FARS2: variants seen among roughly 807,000 people sequenced by gnomAD.
FARS2 encodes phenylalanine--tRNA ligase, mitochondrial.
FARS2 carries 40 observed loss-of-function variants against 46.4 expected under a neutral mutation model. That is an observed-to-expected ratio of 0.86 (90% CI 0.67 to 1.12). FARS2 has a LOEUF of 1.12. Among genes scored for constraint, FARS2 ranks in the 50% most tolerant of loss-of-function variants. FARS2 has a pLI of 0.00. For missense variants in FARS2, 513 were observed against 567.9 expected (o/e 0.90, Z 0.98); for synonymous variants, 234 against 214.9 (o/e 1.09, Z -0.78).
chr6:5,324,480 G>A (rs1377523862), intron 1 of FARS2, among the ~76,000 whole-genome samples: 2 of 124,426 alleles, frequency 1.6e-5, no homozygotes, highest in African/African-American at 3.1e-5. Flanking sequence ...CAAGACGTTG[G>A]TTACAATTCC....
chr6:5,489,188 T>C (rs1346817787), intron 4 of FARS2, among the ~76,000 whole-genome samples: 1 of 152,162 alleles, frequency 6.6e-6, no homozygotes, highest in East Asian at 1.9e-4. Flanking sequence ...GTGCGGTGGC[T>C]CACACCTATA....
At chr6:5,296,326 A>G (rs958552564) in intron 1 of FARS2, among the ~76,000 whole-genome samples, 91 of 151,748 alleles carry the variant, frequency 6.0e-4, no homozygotes, top group Non-Finnish European at 5.4e-4. Context: ...TATTTTTAGT[A>G]GAGATGGGGT....
intron 3 of FARS2, among the ~76,000 whole-genome samples, chr6:5,416,370 G>T (rs2432765): frequency 0.16 from 23,988 of 152,038 alleles, 2,556 homozygotes; most frequent in East Asian, 0.46. Flanking sequence ...AGTTGTTCCA[G>T]CATCGTTTGT....
At chr6:5,691,714 G>T (rs1582775903) in intron 6 of FARS2, among the ~76,000 whole-genome samples, 2 of 152,368 alleles carry the variant, frequency 1.3e-5, no homozygotes, top group East Asian at 3.9e-4. Context: ...TCTCTTCAAA[G>T]CTGTCAGACA....
intron 1 of FARS2, among the ~76,000 whole-genome samples, chr6:5,334,003 G>A (rs536512898): frequency 5.9e-5 from 9 of 152,238 alleles, no homozygotes; most frequent in African/African-American, 2.2e-4. Context: ...CTGTCCTCTT[G>A]TTAATCATAT....
intron 2 of FARS2, among the ~76,000 whole-genome samples, chr6:5,388,238 A>T (rs141199780): frequency 0.014 from 2,113 of 152,268 alleles, 28 homozygotes; most frequent in Middle Eastern, 0.02. Context: ...ATGTCTTCTT[A>T]TTTCAAAAAT....
chr6:5,497,022 A>G (rs1767513273), intron 4 of FARS2, among the ~76,000 whole-genome samples: 1 of 152,074 alleles, frequency 6.6e-6, no homozygotes, highest in Non-Finnish European at 1.5e-5. Context: ...TCAGCCCCAA[A>G]TGGGGTGAAG....
intron 6 of FARS2, among the ~76,000 whole-genome samples, chr6:5,687,132 C>A (rs1038319481): frequency 6.6e-6 from 1 of 152,114 alleles, no homozygotes; most frequent in Non-Finnish European, 1.5e-5. Flanking sequence ...CAAAAATTTT[C>A]TCCCATTTTG....
At chr6:5,680,262 A>G (rs911285752) in intron 6 of FARS2, among the ~76,000 whole-genome samples, 3 of 152,214 alleles carry the variant, frequency 2.0e-5, no homozygotes, top group African/African-American at 7.2e-5. Context: ...CAACACTGAG[A>G]CACATAACCA....
intron 6 of FARS2, among the ~76,000 whole-genome samples, chr6:5,749,494 C>T (rs1761826420): frequency 6.6e-6 from 1 of 152,194 alleles, no homozygotes; most frequent in Admixed American, 6.5e-5. Flanking sequence ...CCTCCTGCTG[C>T]CAGCTCCTCC....
At chr6:5,250,462 G>A in the FARS2 span, among the ~76,000 whole-genome samples, 8 of 151,926 alleles carry the variant, frequency 5.3e-5, no homozygotes, top group East Asian at 1.9e-4. Flanking sequence ...TAAGTTAACC[G>A]TACTATTTTT....
intron 4 of FARS2, among the ~76,000 whole-genome samples, chr6:5,464,339 C>T (rs979400299): frequency 2.0e-5 from 3 of 152,220 alleles, no homozygotes; most frequent in Non-Finnish European, 4.4e-5. Flanking sequence ...ATGGACAGTC[C>T]TGACCTGGAC....
At chr6:5,257,661 G>A (rs1196831841), upstream of FARS2, among the ~76,000 whole-genome samples, 2 of 152,240 alleles carry the variant, frequency 1.3e-5, no homozygotes, top group African/African-American at 4.8e-5. Flanking sequence ...ATTCTCATAG[G>A]TGCACCTATT....
At chr6:5,598,471 C>G (rs539032270) in intron 5 of FARS2, among the ~76,000 whole-genome samples, 1 of 152,316 alleles carries the variant, frequency 6.6e-6, no homozygotes, top group African/African-American at 2.4e-5. Flanking sequence ...CTCTCCATTT[C>G]TACCCTGTAA....
intron 4 of FARS2, among the ~76,000 whole-genome samples, chr6:5,474,647 A>C (rs1766005904): frequency 6.7e-6 from 1 of 148,546 alleles, no homozygotes; most frequent in South Asian, 2.1e-4. Flanking sequence ...AAAAGGTACA[A>C]TAAAAATACA....
At chr6:5,705,159 A>G (rs1758663313) in intron 6 of FARS2, among the ~76,000 whole-genome samples, 1 of 152,240 alleles carries the variant, frequency 6.6e-6, no homozygotes, top group Non-Finnish European at 1.5e-5. Context: ...AGTACCATGA[A>G]TAGTTGTAAA....
chr6:5,693,442 G>A (rs1757895558), intron 6 of FARS2, among the ~76,000 whole-genome samples: 2 of 152,182 alleles, frequency 1.3e-5, no homozygotes, highest in African/African-American at 4.8e-5. Context: ...TGCTGAGCAG[G>A]ATATTAATGG....
intron 3 of FARS2, among the ~76,000 whole-genome samples, chr6:5,405,492 T>TTTTTTTTTTTTTTG (rs1761527417): frequency 7.6e-6 from 1 of 131,060 alleles, no homozygotes; most frequent in Non-Finnish European, 1.6e-5. Context: ...TTTTTTTTTT[T>TTTTTTTTTTTTTTG]TTTTTTTTTT....
chr6:5,480,416 G>C (rs1018486737), intron 4 of FARS2, among the ~76,000 whole-genome samples: 1 of 152,196 alleles, frequency 6.6e-6, no homozygotes, highest in Non-Finnish European at 1.5e-5. Flanking sequence ...CTCAAAAAAA[G>C]TAAGAACATG....
Sources: allele counts gnomAD v4.1 joint callset (sites outside exome capture counted in the v4.1 genomes callset), GRCh38; gene constraint gnomAD v4.1.1; transcripts MANE v1.5; gene names NCBI Gene and HGNC (gene_info 2026-07-23, HGNC 2026-07-21).